The following COPS7B variants were observed in gnomAD, a reference collection of about 807,000 sequenced individuals.
The protein encoded by COPS7B is COP9 signalosome subunit 7B.
A neutral mutation model predicts 33.4 loss-of-function variants in COPS7B; 9 were observed. The observed-to-expected ratio is 0.27, with a 90% CI of 0.16 to 0.47. The LOEUF is 0.47. Among genes scored for constraint, COPS7B ranks in the 20% least tolerant of loss-of-function variants. The probability of loss-of-function intolerance (pLI) is 0.99; values close to 1 mark genes in which losing one functional copy is unlikely to be tolerated. For synonymous variants in COPS7B, 119 were observed against 126.3 expected (o/e 0.94, Z 0.39); for missense variants, 242 against 318.2 (o/e 0.76, Z 1.82).
At chr2:231,786,353 TG>T, upstream of COPS7B, 2 of 791,918 alleles carry the variant, frequency 2.5e-6, no homozygotes, top group Non-Finnish European at 3.1e-6. Flanking sequence ...ACGCGGCGGG[TG>T]GAACCTTGTG....
At chr2:231,807,208 CA>C (rs2049918761) in intron 6 of COPS7B, among the ~76,000 whole-genome samples, 1 of 152,140 alleles carries the variant, frequency 6.6e-6, no homozygotes, top group Non-Finnish European at 1.5e-5. Context: ...ACATTTTAAT[CA>C]CGATTTATTT....
chr2:231,801,748 G>C (rs947594410), intron 6 of COPS7B, among the ~76,000 whole-genome samples: 1 of 151,220 alleles, frequency 6.6e-6, no homozygotes, highest in Non-Finnish European at 1.5e-5. Flanking sequence ...GATTACAGGC[G>C]TGAGCCACCA....
At chr2:231,806,057 G>A (rs1229152674) in intron 6 of COPS7B, among the ~76,000 whole-genome samples, 1 of 151,774 alleles carries the variant, frequency 6.6e-6, no homozygotes, top group Non-Finnish European at 1.5e-5. Flanking sequence ...TTTTCCCCCT[G>A]TCTCAAAATA....
intron 5 of COPS7B, among the ~76,000 whole-genome samples, chr2:231,797,951 G>A (rs558880944): frequency 3.9e-5 from 6 of 152,280 alleles, no homozygotes; most frequent in Non-Finnish European, 7.4e-5. Flanking sequence ...GCAATAGTGC[G>A]ATCTCAGCTC....
Position 231,807,854 on chromosome 2 carries a change from G to C in COPS7B, c.*209G>C. The C allele has an allele frequency of 2.0e-6, 1 of 501,116 alleles. No homozygotes were observed. Among genetic ancestry groups the C allele is most frequent in the Non-Finnish European group, 3.5e-6 (1 of 283,722 alleles). 31.0% of individuals were successfully genotyped at this position (501,116 alleles called of 1,614,324 possible). On this transcript the variant is annotated 3_prime_UTR_variant, in exon 7 of 7. Transcript: ENST00000350033. The stretch of plus-strand genomic sequence containing the variant: ...TCCCCAGTTGTTCCCTTCAGACTCA[G>C]GGGCTCCACCAATGCCATCCCAAAA...
intron 6 of COPS7B, among the ~76,000 whole-genome samples, chr2:231,802,401 A>G (rs948809718): frequency 8.5e-5 from 13 of 152,144 alleles, no homozygotes; most frequent in Non-Finnish European, 1.9e-4. Flanking sequence ...CCCTCAACTG[A>G]AGGAAGGTTT....
At position 231,804,061 on chromosome 2, in the gene COPS7B, C is replaced by T. The variant is rs547328021; in HGVS notation, c.637-3426C>T. On this transcript the variant is annotated intron_variant, in intron 6 of 6. Transcript: ENST00000350033. ...CCACTCTAAAGAGAGAAATAAATGC[C>T]GGTTGTCACTTTCTGATAGGCTGAT... Among the ~76,000 whole-genome samples, 28 of 152,202 alleles carry T rather than the reference C, an allele frequency of 1.8e-4. No individual in the cohort carries two copies. In the Middle Eastern group the frequency reaches 0.017, roughly 92 times the overall value.
Position 231,794,341 on chromosome 2 carries a change from C to T in COPS7B, c.317C>T (p.Ser106Leu). Reference protein sequence around the residue: ...LKHLTIVSLASRMKCIPYSVL... With the variant: ...LKHLTIVSLALRMKCIPYSVL... ...CATCTTACCATCGTGAGCTTGGCAT[C>T]AAGAATGAAGGTACGGTACTGAGCC... The change falls in exon 4 of 7, where the codon TCA (serine) becomes TTA (leucine). Residue 106 changes from serine (S) to leucine (L), a missense_variant. Physicochemically the swap from Ser to Leu is moderately radical, Grantham distance 145 (BLOSUM62 -2). Transcript: ENST00000350033. The T allele has an allele frequency of 1.2e-6, 2 of 1,613,780 alleles. No individual in the cohort carries two copies. The highest frequency in any genetic ancestry group is 1.7e-6 in the Non-Finnish European group (2 of 1,179,720).
intron 4 of COPS7B, 74 bp downstream of exon 4, chr2:231,794,425 TC>T: frequency 8.3e-7 from 1 of 1,202,702 alleles, no homozygotes; most frequent in Non-Finnish European, 1.2e-6. Context: ...ATGAAGGAAG[TC>T]CCAGCTGCAC....
intron 3 of COPS7B, chr2:231,793,553 A>G (rs2049480769): frequency 6.6e-6 from 1 of 152,242 alleles, no homozygotes; most frequent in South Asian, 2.1e-4. Context: ...TGTTATTATC[A>G]TTTATGGTTA....
rs1425270029 is a variant in COPS7B, at chr2:231,798,117, C to T, written c.531-742C>T. 5.3e-5 allele frequency among the ~76,000 whole-genome samples: 8 copies of T among 152,156 alleles called. No individual in the cohort carries two copies. The East Asian group carries it at 1.5e-3, about 29-fold the overall frequency. Reference sequence around the variant, plus strand: ...GGTCAGGCTGGTCTCGAATTCCCGACCTCAGGTGATCCGCCTGCCTCGGCC... The same window carrying T: ...GGTCAGGCTGGTCTCGAATTCCCGATCTCAGGTGATCCGCCTGCCTCGGCC... On this transcript the variant is annotated intron_variant, in intron 5 of 6. Transcript: ENST00000350033.
intron 1 of COPS7B, among the ~76,000 whole-genome samples, chr2:231,787,571 G>GTT (rs372377989): frequency 4.2e-5 from 6 of 143,514 alleles, no homozygotes; most frequent in African/African-American, 1.0e-4. Flanking sequence ...TTTTCTTGAG[G>GTT]TTTTTTTTTT....
At chr2:231,799,391 C>T (rs191526225) in intron 6 of COPS7B, among the ~76,000 whole-genome samples, 4 of 152,196 alleles carry the variant, frequency 2.6e-5, no homozygotes, top group South Asian at 4.1e-4. Context: ...TCTTAAGTTG[C>T]GTGGTGGGCA....
rs188430844 is a variant in COPS7B at position 231,794,776 on chromosome 2, G to A, written c.327+425G>A. Among the ~76,000 whole-genome samples the A allele has an allele frequency of 6.5e-3, 994 of 152,256 alleles. 17 individuals carry two copies. Among genetic ancestry groups the A allele is most frequent in the African/African-American group, 0.023 (941 of 41,542 alleles). On this transcript the variant is annotated intron_variant, in intron 4 of 6. Transcript: ENST00000350033. The stretch of plus-strand genomic sequence containing the variant: ...GATTTTTTGTTGTTGTTGTTGTTGA[G>A]ACGGAGTCTCACTCTGTCGCCCAGG...
At chr2:231,788,836 C>G (rs756954323) in intron 2 of COPS7B, 104 bp downstream of exon 2, 96 of 1,064,130 alleles carry the variant, frequency 9.0e-5, no homozygotes, top group Non-Finnish European at 1.2e-4. Context: ...GTGAGGTACC[C>G]TATTGTGAGA....
At chr2:231,799,847 G>T (rs2049691851) in intron 6 of COPS7B, among the ~76,000 whole-genome samples, 1 of 152,154 alleles carries the variant, frequency 6.6e-6, no homozygotes, top group African/African-American at 2.4e-5. Flanking sequence ...GCCTTTCAAA[G>T]GGGGATTTGT....
At position 231,796,198 on chromosome 2, in the gene COPS7B, C is replaced by T; in HGVS notation, c.420C>T (p.Ile140=). The T allele has an allele frequency of 6.2e-7, 1 of 1,614,188 alleles. No individual in the cohort carries two copies. Among genetic ancestry groups the T allele is most frequent in the Non-Finnish European group, 8.5e-7 (1 of 1,180,034 alleles). ...DLIIEAVYTD[I]IQGKLDQRNQ... ...TCATTGAGGCTGTCTACACTGACAT[C>T]ATCCAGGGCAAGCTGGACCAGCGAA... The change falls in exon 5 of 7, where the codon ATC becomes ATT. Residue 140 remains isoleucine (I), a synonymous_variant. Coordinates refer to ENST00000350033, the MANE Select transcript of COPS7B (RefSeq NM_022730.4).
chr2:231,788,896 C>A, intron 2 of COPS7B, 164 bp downstream of exon 2: 1 of 577,750 alleles, frequency 1.7e-6, no homozygotes, highest in Non-Finnish European at 3.0e-6. Flanking sequence ...ATATCCTTGG[C>A]TCCTTTTATC....
At chr2:231,788,975 GTCAAATTGA>G (rs1481260187) in intron 2 of COPS7B, 5 of 397,420 alleles carry the variant, frequency 1.3e-5, no homozygotes, top group Non-Finnish European at 2.3e-5. Flanking sequence ...TAGTAAAAAA[GTCAAATTGA>G]TCCTGATAAA....
Sources: gnomAD v4.1 joint callset for allele counts (sites outside exome capture counted in the v4.1 genomes callset) on GRCh38, gnomAD v4.1.1 for gene constraint, MANE v1.5 for transcripts, NCBI Gene and HGNC (gene_info 2026-07-23, HGNC 2026-07-21) for gene names.